The following SGCD variants were observed in gnomAD, a reference collection of about 807,000 sequenced individuals.
The protein encoded by SGCD is sarcoglycan delta.
A neutral mutation model predicts 36.6 loss-of-function variants in SGCD; 18 were observed. The ratio of observed to expected loss-of-function variants is 0.49; its 90% CI spans 0.34 to 0.73. The LOEUF (loss-of-function observed/expected upper bound fraction) is 0.73, where lower values mean the gene tolerates loss of function less well. Among genes scored for constraint, SGCD ranks in the 30% least tolerant of loss-of-function variants. The probability of loss-of-function intolerance (pLI) is 0.01; values close to 1 mark genes in which losing one functional copy is unlikely to be tolerated. For missense variants in SGCD, 387 were observed against 346.7 expected, an observed-to-expected ratio of 1.12 and a Z score of -0.92; for synonymous variants, 133 against 130.6, an observed-to-expected ratio of 1.02 and a Z score of -0.12.
chr5:156,334,140 G>A (rs747039963), intron 2 of SGCD, among the ~76,000 whole-genome samples: 5 of 151,922 alleles, frequency 3.3e-5, no homozygotes, highest in Non-Finnish European at 2.9e-5. Context: ...TACACAGCTT[G>A]GTCCCCAAGT....
chr5:155,965,523 C>A (rs1371467567), intron 1 of SGCD, among the ~76,000 whole-genome samples: 1 of 152,160 alleles, frequency 6.6e-6, no homozygotes, highest in Non-Finnish European at 1.5e-5. Flanking sequence ...ACTAACTCAG[C>A]ATTACACTGA....
At chr5:156,083,981 C>G (rs1295815373) in intron 1 of SGCD, among the ~76,000 whole-genome samples, 1 of 152,156 alleles carries the variant, frequency 6.6e-6, no homozygotes, top group Non-Finnish European at 1.5e-5. Context: ...CCAACAATAT[C>G]ACATTGCTAT....
intron 1 of SGCD, among the ~76,000 whole-genome samples, chr5:156,033,117 C>CA (rs112923523): frequency 0.22 from 32,897 of 150,222 alleles, 4,026 homozygotes; most frequent in African/African-American, 0.33. Flanking sequence ...TATAAAAAAA[C>CA]AAAAAAAAAG....
At chr5:156,731,495 GT>G (rs1756060017) in intron 7 of SGCD, among the ~76,000 whole-genome samples, 1 of 152,010 alleles carries the variant, frequency 6.6e-6, no homozygotes, top group Non-Finnish European at 1.5e-5. Flanking sequence ...TGAATAGGGA[GT>G]CCTTTTTCCA....
At chr5:156,454,835 G>T (rs1265554876) in intron 3 of SGCD, among the ~76,000 whole-genome samples, 1 of 152,110 alleles carries the variant, frequency 6.6e-6, no homozygotes, top group Non-Finnish European at 1.5e-5. Context: ...GTTATTGTCA[G>T]GCAAAGCAAA....
rs551773134 is a variant in SGCD at position 155,871,173 on chromosome 5, C to T, written c.-282+749C>T. ...AGTATTAGAGGCTGTTCATGCTAAT[C>T]AAGGTGATATAACCTCCTTGATATT... On this transcript the variant is annotated intron_variant, in intron 1 of 9. Coordinates refer to the SGCD transcript ENST00000517913. Among the ~76,000 whole-genome samples, 6 of 152,208 alleles carry T rather than the reference C, an allele frequency of 3.9e-5. No individual in the cohort carries two copies. In the South Asian group the frequency reaches 1.0e-3, roughly 26 times the overall value.
chr5:155,896,507 A>C (rs1280708409), intron 1 of SGCD, among the ~76,000 whole-genome samples: 1 of 151,066 alleles, frequency 6.6e-6, no homozygotes, highest in Non-Finnish European at 1.5e-5. Context: ...TTAGGCAGCC[A>C]CGATGATGTG....
At chr5:156,476,702 C>G (rs1300154756) in intron 3 of SGCD, among the ~76,000 whole-genome samples, 1 of 152,166 alleles carries the variant, frequency 6.6e-6, no homozygotes, top group Non-Finnish European at 1.5e-5. Context: ...AAATCCCAAA[C>G]CTCTTCAGCA....
intron 1 of SGCD, among the ~76,000 whole-genome samples, chr5:155,994,174 A>C (rs372194336): frequency 6.6e-6 from 1 of 152,026 alleles, no homozygotes; most frequent in Non-Finnish European, 1.5e-5. Flanking sequence ...TTGGTGGAAG[A>C]CTCCAGAATC....
chr5:156,702,968 T>G (rs538574404), intron 7 of SGCD, among the ~76,000 whole-genome samples: 1 of 152,198 alleles, frequency 6.6e-6, no homozygotes, highest in Non-Finnish European at 1.5e-5. Flanking sequence ...TAAAAAAGAT[T>G]TGGTCTCCCT....
chr5:156,651,370 T>A (rs1309024052), intron 7 of SGCD, among the ~76,000 whole-genome samples: 1 of 152,142 alleles, frequency 6.6e-6, no homozygotes, highest in African/African-American at 2.4e-5. Context: ...ATAAACTCTT[T>A]CCCAAGGCCT....
chr5:156,470,720 G>A (rs1754923530), intron 3 of SGCD, among the ~76,000 whole-genome samples: 1 of 152,110 alleles, frequency 6.6e-6, no homozygotes, highest in Non-Finnish European at 1.5e-5. Flanking sequence ...ATTTGAACAT[G>A]AGCAAATACA....
chr5:156,605,067 T>C (rs1761373021), intron 6 of SGCD, among the ~76,000 whole-genome samples: 1 of 152,074 alleles, frequency 6.6e-6, no homozygotes, highest in Admixed American at 6.6e-5. Context: ...TTTATTATTA[T>C]ACTTTAAGTT....
At chr5:156,616,135 C>T (rs889125921) in intron 6 of SGCD, among the ~76,000 whole-genome samples, 14 of 152,186 alleles carry the variant, frequency 9.2e-5, no homozygotes, top group African/African-American at 3.4e-4. Flanking sequence ...CATGTCTCAG[C>T]TCTATTTTCT....
At chr5:156,079,026 A>G (rs1398577622) in intron 1 of SGCD, among the ~76,000 whole-genome samples, 1 of 149,356 alleles carries the variant, frequency 6.7e-6, no homozygotes, top group East Asian at 1.9e-4. Context: ...TGTAAAAAAA[A>G]AAAAAAAAAA....
the SGCD span, among the ~76,000 whole-genome samples, chr5:155,835,740 A>G: frequency 3.0e-4 from 45 of 152,202 alleles, no homozygotes; most frequent in Non-Finnish European, 2.9e-5. Flanking sequence ...GACAGAAAAC[A>G]CTTTACTAGC....
At chr5:156,583,652 A>T (rs1175388763) in intron 4 of SGCD, among the ~76,000 whole-genome samples, 4 of 152,188 alleles carry the variant, frequency 2.6e-5, no homozygotes, top group Non-Finnish European at 5.9e-5. Flanking sequence ...AAAACCGTTA[A>T]AATGGAGTAT....
chr5:156,363,267 C>T (rs1170443639), intron 3 of SGCD, among the ~76,000 whole-genome samples: 2 of 152,156 alleles, frequency 1.3e-5, no homozygotes, highest in Non-Finnish European at 2.9e-5. Flanking sequence ...CATTTCTAGC[C>T]TTCCATGGTA....
At chr5:156,742,064 A>T (rs1430996680) in intron 7 of SGCD, among the ~76,000 whole-genome samples, 6 of 151,998 alleles carry the variant, frequency 3.9e-5, no homozygotes, top group Admixed American at 6.5e-5. Context: ...TTTAGTAGAG[A>T]CGGGGTTTCA....
Sources: allele counts gnomAD v4.1 joint callset (sites outside exome capture counted in the v4.1 genomes callset), GRCh38; gene constraint gnomAD v4.1.1; transcripts MANE v1.5; gene names NCBI Gene and HGNC (gene_info 2026-07-23, HGNC 2026-07-21).